Variants in NDOR1 observed in about 807,000 individuals in gnomAD.
NDOR1 encodes NADPH dependent diflavin oxidoreductase 1, also known as NADPH-dependent diflavin oxidoreductase 1.
Under a neutral mutation model 67.2 loss-of-function variants are expected in NDOR1, and 61 were observed. That is an observed-to-expected ratio of 0.91 (90% CI 0.74 to 1.12). The LOEUF (loss-of-function observed/expected upper bound fraction) is 1.12. Ranked by LOEUF, NDOR1 falls within the 50% of genes most tolerant of loss-of-function variation. The probability of loss-of-function intolerance (pLI) is 0.00; values close to 1 mark genes in which losing one functional copy is unlikely to be tolerated. For synonymous variants in NDOR1, 378 were observed against 343.7 expected (o/e 1.10, Z -1.10); for missense variants, 878 against 802.8 (o/e 1.09, Z -1.13).
At position 137,212,476 on chromosome 9, in the gene NDOR1, TG is replaced by T; in HGVS notation, c.214-25del. On this transcript the variant is annotated intron_variant, in intron 2 of 13. Coordinates refer to ENST00000684003, the MANE Select transcript of NDOR1 (RefSeq NM_014434.4). This position sits in a 1 kb window ranked among gnomAD's most constrained non-coding sequence, Gnocchi z 4.3. Reference sequence around the variant, plus strand: ...GGGCTAGCCTAGAGGTCGAGGACTCTGACTCAGAGTTTCCTCCGGCTGTAGA... The same window carrying T: ...GGGCTAGCCTAGAGGTCGAGGACTCTACTCAGAGTTTCCTCCGGCTGTAGA... 1 of 1,606,808 alleles carries T rather than the reference TG, an allele frequency of 6.2e-7. No individual in the cohort carries two copies.
chr9:137,212,511 A>C lies in NDOR1; in HGVS notation c.223A>C (p.Arg75=). 6.2e-7 allele frequency: 1 copy of C among 1,613,878 alleles called. No homozygotes were observed. Among genetic ancestry groups the C allele is most frequent in the Non-Finnish European group, 8.5e-7 (1 of 1,179,888 alleles). Reference sequence around the variant, plus strand: ...TTTCCTCCGGCTGTAGAACTTCTGGAGGTTTATATTCCGGAAGAACCTGCC... The same window carrying C: ...TTTCCTCCGGCTGTAGAACTTCTGGCGGTTTATATTCCGGAAGAACCTGCC... ...DPPDNMKNFW[R]FIFRKNLPST... is the part of the protein sequence containing the mutation. Residue 75 remains arginine, a synonymous_variant, in exon 3 of 14, where the codon AGG becomes CGG. Coordinates refer to ENST00000684003, the MANE Select transcript of NDOR1 (RefSeq NM_014434.4). This position sits in a 1 kb window ranked among gnomAD's most constrained non-coding sequence, Gnocchi z 4.3.
At position 137,216,743 on chromosome 9, in the gene NDOR1, A is replaced by G; in HGVS notation, c.*327A>G. The G allele has an allele frequency of 5.2e-6, 2 of 381,070 alleles. No individual in the cohort carries two copies. Among genetic ancestry groups the G allele is most frequent in the East Asian group, 5.9e-5 (1 of 16,996 alleles). 23.6% of individuals were successfully genotyped at this position (381,070 alleles called of 1,614,324 possible). ...CGGTGCAGTGACCCAGGACGGCATC[A>G]GCAGCCCAGTGAGCACCAGGGGTGG... On this transcript the variant is annotated 3_prime_UTR_variant, in exon 14 of 14. Coordinates refer to ENST00000684003, the MANE Select transcript of NDOR1 (RefSeq NM_014434.4).
rs369600133 is a variant in NDOR1 at position 137,215,034 on chromosome 9, G to T, written c.1065+16G>T. The T allele has an allele frequency of 6.2e-7, 1 of 1,610,920 alleles. No homozygotes were observed. Among genetic ancestry groups the T allele is most frequent in the Non-Finnish European group, 8.5e-7 (1 of 1,177,842 alleles). On this transcript the variant is annotated intron_variant, in intron 8 of 13. Transcript: ENST00000684003. Reference sequence around the variant, plus strand: ...CATCCTGGAGGTGAGATGGGAGGGCGGCAGGCCCAGCCCCTGAGCTACAGC... The same window carrying T: ...CATCCTGGAGGTGAGATGGGAGGGCTGCAGGCCCAGCCCCTGAGCTACAGC...
In NDOR1 at chr9:137,216,203, G is replaced by GT; in HGVS notation, c.1649+16dup. 1 of 1,613,262 alleles carries GT rather than the reference G, an allele frequency of 6.2e-7. No individual in the cohort carries two copies. ...TACCTGGCAGGGTGAGCTGGCCTGC[G>GT]TGCAGCAGGAGTGGGCCCAGCCCCT... On this transcript the variant is annotated intron_variant, in intron 13 of 13. Coordinates refer to ENST00000684003, the MANE Select transcript of NDOR1 (RefSeq NM_014434.4).
Position 137,206,441 on chromosome 9 carries a change from G to A in NDOR1, c.213+132G>A. 4 of 949,314 alleles carry A rather than the reference G, an allele frequency of 4.2e-6. No individual in the cohort carries two copies. In the Admixed American group the frequency reaches 5.6e-5, roughly 13 times the overall value. The allele number at this position is 949,314 out of a possible 1,614,324, so 58.8% of individuals were successfully genotyped here. ...CCTTCAGAGGTGGATTTGAGAGAAC[G>A]TCCGTGAGTGGGGCTGGGGGCTCCG... On this transcript the variant is annotated intron_variant, in intron 2 of 13. Coordinates refer to ENST00000684003, the MANE Select transcript of NDOR1 (RefSeq NM_014434.4).
rs775715049 is a variant in NDOR1 at position 137,205,748 on chromosome 9, G to T, written c.-30G>T. The T allele has an allele frequency of 2.5e-6, 4 of 1,600,520 alleles. 1 individual carries two copies. In the South Asian group the frequency reaches 4.4e-5, roughly 18 times the overall value. On this transcript the variant is annotated 5_prime_UTR_variant, in exon 1 of 14. Coordinates refer to ENST00000684003, the MANE Select transcript of NDOR1 (RefSeq NM_014434.4). ...GGCGGGAACTGCCTTCTAGTTTTTAGTCTCAGACCAGACCACCGGGCGCAC... is the reference window on the plus strand; with the variant it reads ...GGCGGGAACTGCCTTCTAGTTTTTATTCTCAGACCAGACCACCGGGCGCAC...
rs1042526001 is a variant in NDOR1, at chr9:137,218,451, G to A, written c.*2035G>A. 9 of 398,308 alleles carry A rather than the reference G, an allele frequency of 2.3e-5. No homozygotes were observed. The highest frequency in any genetic ancestry group is 4.1e-5 in the African/African-American group (2 of 48,588). 24.7% of individuals were successfully genotyped at this position (398,308 alleles called of 1,614,324 possible). On this transcript the variant is annotated 3_prime_UTR_variant, in exon 14 of 14. Transcript: ENST00000684003. The stretch of plus-strand genomic sequence containing the variant: ...CCCTGTCCACCCTGCCTGGGTGCCC[G>A]GCTCTGGACCCTGCGGGAGCGGGGA...
Position 137,217,505 on chromosome 9 carries a change from G to A in NDOR1, c.*1089G>A, listed in dbSNP as rs80043545. On this transcript the variant is annotated 3_prime_UTR_variant, in exon 14 of 14. Transcript: ENST00000684003. ...TTCGGTGGCTGTTCACACCCGCCTC[G>A]CTGTCTTGGAGTCTTGATCTGTCGT... is the stretch of plus-strand genomic sequence containing the variant. The A allele has an allele frequency of 0.093, 14,327 of 153,772 alleles. 931 individuals are homozygous for A. Among genetic ancestry groups the A allele is most frequent in the Middle Eastern group, 0.22 (67 of 302 alleles). The allele number at this position is 153,772 out of a possible 1,614,324, so 9.5% of individuals were successfully genotyped here.
At position 137,216,131 on chromosome 9, in the gene NDOR1, T is replaced by C; in HGVS notation, c.1592T>C (p.Leu531Pro). ...KVYVQHRLRE[L>P]GSLVWELLDR... is the part of the protein sequence containing the mutation. ...TATGTGCAGCACCGGCTCCGGGAGCTGGGGTCGCTTGTGTGGGAACTGCTG... is the reference window on the plus strand; with the variant it reads ...TATGTGCAGCACCGGCTCCGGGAGCCGGGGTCGCTTGTGTGGGAACTGCTG... The change falls in exon 13 of 14, where the codon CTG (leucine) becomes CCG (proline). Residue 531 changes from leucine (L) to proline (P), a missense_variant. By Grantham distance (98) the Leu-to-Pro change is moderately conservative. Coordinates refer to ENST00000684003, the MANE Select transcript of NDOR1 (RefSeq NM_014434.4). 6.2e-7 allele frequency: 1 copy of C among 1,613,550 alleles called. No homozygotes were observed. The highest frequency in any genetic ancestry group is 1.1e-5 in the South Asian group (1 of 91,082).
intron 2 of NDOR1, among the ~76,000 whole-genome samples, chr9:137,208,262 A>G (rs1377521543): frequency 6.6e-6 from 1 of 151,416 alleles, no homozygotes; most frequent in African/African-American, 2.4e-5. Context: ...ATCCTGGCTA[A>G]CACGGTGTGA....
intron 2 of NDOR1, among the ~76,000 whole-genome samples, chr9:137,207,959 A>G (rs924178195): frequency 6.6e-6 from 1 of 151,864 alleles, no homozygotes; most frequent in Non-Finnish European, 1.5e-5. Flanking sequence ...CCTGGCCAAC[A>G]TGGTGAAACC....
At position 137,214,489 on chromosome 9, in the gene NDOR1, G is replaced by T. The variant is rs920378373; in HGVS notation, c.722+76G>T. The T allele has an allele frequency of 2.5e-6, 4 of 1,609,648 alleles. No individual in the cohort carries two copies. The Admixed American group carries it at 6.7e-5, about 27-fold the overall frequency. On this transcript the variant is annotated intron_variant, in intron 6 of 13. Transcript: ENST00000684003. The stretch of plus-strand genomic sequence containing the variant: ...TGGGGTTCGGAGGAGGCTGGGCCGG[G>T]CTGCAGGGGATGACTTCTATCCGGG...
chr9:137,216,047 G>A, intron 12 of NDOR1, 30 bp downstream of exon 12: 4 of 1,613,454 alleles, frequency 2.5e-6, no homozygotes, highest in Non-Finnish European at 1.7e-6. Context: ...GGGAAAGGAG[G>A]GGAGGGAGCT....
Position 137,217,055 on chromosome 9 carries a change from C to CTGGGTGA in NDOR1, c.*645_*646insATGGGTG, listed in dbSNP as rs976192256. 5.5e-6 allele frequency: 1 copy of CTGGGTGA among 182,470 alleles called. No homozygotes were observed. The highest frequency in any genetic ancestry group is 2.4e-5 in the African/African-American group (1 of 41,578). The allele number at this position is 182,470 out of a possible 1,614,324, so 11.3% of individuals were successfully genotyped here. On this transcript the variant is annotated 3_prime_UTR_variant, in exon 14 of 14. Transcript: ENST00000684003. The stretch of plus-strand genomic sequence containing the variant: ...CCTTCCTCTAGCTCCTCCCGGTGCC[C>CTGGGTGA]TGGGTGCTGGGTGCTGGATGGATGG...
In NDOR1 at chr9:137,213,985, C is replaced by A; in HGVS notation, c.429C>A (p.Asp143Glu). The part of the protein sequence containing the change: ...QHELGPDAAV[D>E]PWLRDLWDRV... ...CTCCCAGGCCCGACGCTGCTGTGGA[C>A]CCCTGGCTGCGAGACTTGTGGGACA... Residue 143 changes from aspartate (D) to glutamate (E), a missense_variant, in exon 5 of 14, where the codon GAC becomes GAA. Asp to Glu is a conservative substitution (Grantham distance 45). Coordinates refer to ENST00000684003, the MANE Select transcript of NDOR1 (RefSeq NM_014434.4). 9 of 1,557,016 alleles carry A rather than the reference C, an allele frequency of 5.8e-6. No homozygotes were observed. Among genetic ancestry groups the A allele is most frequent in the Non-Finnish European group, 7.8e-6 (9 of 1,151,938 alleles).
In NDOR1 at chr9:137,212,892, G is replaced by A. The variant is rs1041366950; in HGVS notation, c.311+293G>A. On this transcript the variant is annotated intron_variant, in intron 3 of 13. Coordinates refer to ENST00000684003, the MANE Select transcript of NDOR1 (RefSeq NM_014434.4). The surrounding 1 kb of genome is among the most constrained non-coding windows in gnomAD (Gnocchi z 4.3). Reference sequence around the variant, plus strand: ...CTTTTACAAAAAGGCGTGCTGTGAAGTGTTGACGACTTTGAGCCTGGAGGA... The same window carrying A: ...CTTTTACAAAAAGGCGTGCTGTGAAATGTTGACGACTTTGAGCCTGGAGGA... 4 of 414,228 alleles carry A rather than the reference G, an allele frequency of 9.7e-6. No individual in the cohort carries two copies. Among genetic ancestry groups the A allele is most frequent in the African/African-American group, 8.0e-5 (4 of 50,010 alleles). The allele number at this position is 414,228 out of a possible 1,614,324, so 25.7% of individuals were successfully genotyped here.
At chr9:137,206,012 C>CG (rs1416219821) in intron 1 of NDOR1, 100 bp downstream of exon 1, 1 of 1,482,728 alleles carries the variant, frequency 6.7e-7, no homozygotes, top group African/African-American at 1.4e-5. Context: ...TCTCTGAGAG[C>CG]GGGTCTTTCC....
rs1835705333 is a variant in NDOR1 at position 137,217,957 on chromosome 9, T to G, written c.*1541T>G. On this transcript the variant is annotated 3_prime_UTR_variant, in exon 14 of 14. Transcript: ENST00000684003. ...ATGACCTTGGGCACCCCCAAGGTGC[T>G]GAGACTACAGCCAGTGAGCCCCTGC... 3 of 398,594 alleles carry G rather than the reference T, an allele frequency of 7.5e-6. No individual in the cohort carries two copies. The highest frequency in any genetic ancestry group is 2.5e-4 in the South Asian group (2 of 7,850). 24.7% of individuals were successfully genotyped at this position (398,594 alleles called of 1,614,324 possible).
At chr9:137,213,368 T>C (rs1835355200) in intron 3 of NDOR1, among the ~76,000 whole-genome samples, 2 of 152,158 alleles carry the variant, frequency 1.3e-5, no homozygotes, top group Admixed American at 1.3e-4. Context: ...GAAGAGAAAC[T>C]GACCCCCGGG....
Sources: allele counts gnomAD v4.1 joint callset (sites outside exome capture counted in the v4.1 genomes callset), GRCh38; gene constraint gnomAD v4.1.1; non-coding constraint Gnocchi (gnomAD v3.1); transcripts MANE v1.5; gene names NCBI Gene and HGNC (gene_info 2026-07-23, HGNC 2026-07-21).